SLC66A2: variants seen among roughly 807,000 people sequenced by gnomAD.
SLC66A2 encodes the protein solute carrier family 66 member 2.
SLC66A2 carries 23 observed loss-of-function variants against 25.5 expected under a neutral mutation model. The ratio of observed to expected loss-of-function variants is 0.90; its 90% confidence interval spans 0.65 to 1.28. The LOEUF (loss-of-function observed/expected upper bound fraction) is 1.28. SLC66A2 is among the 50% of genes most tolerant of loss of function. The probability of loss-of-function intolerance (pLI) is 0.00; values close to 1 mark genes in which losing one functional copy is unlikely to be tolerated. For synonymous variants in SLC66A2, 193 were observed against 166.5 expected (o/e 1.16, Z -1.23); for missense variants, 396 against 373.1 (o/e 1.06, Z -0.51).
At chr18:79,909,948 C>G (rs1236484687) in intron 5 of SLC66A2, among the ~76,000 whole-genome samples, 1 of 139,414 alleles carries the variant, frequency 7.2e-6, no homozygotes, top group African/African-American at 2.7e-5. Flanking sequence ...CCCCAACCTT[C>G]CCCACAACCT....
chr18:79,939,892 G>A (rs892530294), intron 3 of SLC66A2, among the ~76,000 whole-genome samples: 3 of 152,144 alleles, frequency 2.0e-5, no homozygotes, highest in East Asian at 1.9e-4. Flanking sequence ...AATATAAATC[G>A]CTCTACTATA....
intron 2 of SLC66A2, chr18:79,949,975 C>G (rs2051062608): frequency 6.6e-6 from 1 of 152,228 alleles, no homozygotes; most frequent in Non-Finnish European, 1.5e-5. Flanking sequence ...TTTCAATTTC[C>G]TTAGCCTAAT....
Position 79,902,909 on chromosome 18 carries a change from C to G in SLC66A2, c.*1067G>C, listed in dbSNP as rs1981423874. On this transcript the variant is annotated 3_prime_UTR_variant, in exon 6 of 6. Coordinates refer to ENST00000397778, the MANE Select transcript of SLC66A2 (RefSeq NM_025078.5). ...CTGCAGCCAGAAGTGAGGGAGCCAG[C>G]ACACGGGGGTGGGCAGTGGACAGGA... is the stretch of plus-strand genomic sequence containing the variant. 1 of 152,606 alleles carries G rather than the reference C, an allele frequency of 6.6e-6. No individual in the cohort carries two copies. Among genetic ancestry groups the G allele is most frequent in the African/African-American group, 2.4e-5 (1 of 41,470 alleles). The allele number at this position is 152,606 out of a possible 1,614,324, so 9.5% of individuals were successfully genotyped here.
At chr18:79,951,090 A>C (rs1051316766) in intron 1 of SLC66A2, 65 bp from the exon 2 acceptor site, 2 of 387,060 alleles carry the variant, frequency 5.2e-6, no homozygotes, top group Non-Finnish European at 8.5e-6. Context: ...CACGGACCCG[A>C]CCCGACCCGC....
At chr18:79,946,402 A>T (rs545653975) in intron 2 of SLC66A2, among the ~76,000 whole-genome samples, 26 of 152,382 alleles carry the variant, frequency 1.7e-4, no homozygotes, top group African/African-American at 5.8e-4. Flanking sequence ...TTTAGTGATA[A>T]CAGTCTGTGC....
At chr18:79,930,667 C>CA (rs1788205365) in intron 4 of SLC66A2, among the ~76,000 whole-genome samples, 1 of 151,738 alleles carries the variant, frequency 6.6e-6, no homozygotes, top group South Asian at 2.1e-4. Context: ...ATATATTTGA[C>CA]AATAATATTA....
chr18:79,906,118 C>G (rs1236872918), intron 5 of SLC66A2, among the ~76,000 whole-genome samples: 3 of 152,190 alleles, frequency 2.0e-5, no homozygotes, highest in Admixed American at 6.5e-5. Flanking sequence ...CTCTTCCATA[C>G]CAAATACTGG....
rs189025115 is a variant in SLC66A2 at position 79,910,103 on chromosome 18, C to A, written c.609-5920G>T. On this transcript the variant is annotated intron_variant, in intron 5 of 5. Coordinates refer to ENST00000397778, the MANE Select transcript of SLC66A2 (RefSeq NM_025078.5). ...TCACCAGTCTCCAACCTTCCCCACA[C>A]CCTCACCATAGAGTCCCCAACCTTC... Among the ~76,000 whole-genome samples, 311 of 130,926 alleles carry A rather than the reference C, an allele frequency of 2.4e-3. 15 individuals are homozygous for A. The highest frequency in any genetic ancestry group is 8.7e-3 in the African/African-American group (287 of 33,014). 85.9% of individuals were successfully genotyped at this position (130,926 alleles called of 152,430 possible).
rs758277676 is a variant in SLC66A2, at chr18:79,904,203, C to G, written c.609-20G>C. 1 of 1,610,008 alleles carries G rather than the reference C, an allele frequency of 6.2e-7. No homozygotes were observed. The highest frequency in any genetic ancestry group is 8.5e-7 in the Non-Finnish European group (1 of 1,177,566). ...TTGATGCTGTGGAGACACAAGCAGG[C>G]GGTCAGCGGTGGGGAGGGCGGCGAC... On this transcript the variant is annotated intron_variant, in intron 5 of 5. Transcript: ENST00000397778. This position sits in a 1 kb window ranked among gnomAD's most constrained non-coding sequence, Gnocchi z 6.3.
At position 79,937,483 on chromosome 18, in the gene SLC66A2, A is replaced by C. The variant is rs567993884; in HGVS notation, c.338-3461T>G. The stretch of plus-strand genomic sequence containing the variant: ...AAGATGCTAGGGAACCAACTTTGAA[A>C]ACTGGTAAAGAGACCCGCATTTCCT... On this transcript the variant is annotated intron_variant, in intron 3 of 5. Coordinates refer to ENST00000397778, the MANE Select transcript of SLC66A2 (RefSeq NM_025078.5). The surrounding 1 kb of genome is among the most constrained non-coding windows in gnomAD (Gnocchi z 5.4). 6.6e-6 allele frequency among the ~76,000 whole-genome samples: 1 copy of C among 152,312 alleles called. No homozygotes were observed. The highest frequency in any genetic ancestry group is 1.9e-4 in the East Asian group (1 of 5,186).
rs750910076 is a variant in SLC66A2, at chr18:79,943,345, C to A, written c.321G>T (p.Arg107Ser). Residue 107 changes from arginine (R) to serine (S), a missense_variant, in exon 3 of 6, where the codon AGG becomes AGT. Arg to Ser is a moderately radical substitution (Grantham distance 110). Transcript: ENST00000397778. ...GCCACCAACCTGTAAAGGAGCGGCG[C>A]CTGGCGTTGAGCTCGTTGGCCACAC... The part of the protein sequence containing the change: ...EVRVANELNA[R>S]RRSFTAADSK... The A allele has an allele frequency of 2.4e-5, 39 of 1,614,054 alleles. No homozygotes were observed. Among genetic ancestry groups the A allele is most frequent in the Non-Finnish European group, 3.3e-5 (39 of 1,180,034 alleles).
intron 5 of SLC66A2, among the ~76,000 whole-genome samples, chr18:79,907,361 T>C (rs1286240034): frequency 7.0e-6 from 1 of 143,186 alleles, no homozygotes; most frequent in Non-Finnish European, 1.5e-5. Context: ...TTGTTTTTTT[T>C]TTTTTTTTGA....
intron 5 of SLC66A2, among the ~76,000 whole-genome samples, chr18:79,911,742 G>GAGCAGGGAGGGGACGC (rs936632657): frequency 6.6e-6 from 1 of 151,398 alleles, no homozygotes; most frequent in African/African-American, 2.4e-5. Context: ...GAGGGGACGG[G>GAGCAGGGAGGGGACGC]AGCAGGGAGG....
rs1300002923 is a variant in SLC66A2 at position 79,903,913 on chromosome 18, C to T, written c.*63G>A. 18 of 1,459,538 alleles carry T rather than the reference C, an allele frequency of 1.2e-5. No homozygotes were observed. The South Asian group carries it at 1.5e-4, about 12-fold the overall frequency. The allele number at this position is 1,459,538 out of a possible 1,614,324, so 90.4% of individuals were successfully genotyped here. ...GGGGCCACAGCACCCACCCTCCCCG[C>T]GGGGAGGTCAGGGCCCACCAGTGCC... On this transcript the variant is annotated 3_prime_UTR_variant, in exon 6 of 6. Transcript: ENST00000397778.
intron 2 of SLC66A2, among the ~76,000 whole-genome samples, chr18:79,950,252 G>C (rs913759449): frequency 3.9e-5 from 6 of 152,158 alleles, no homozygotes; most frequent in African/African-American, 1.4e-4. Flanking sequence ...CCAGCTACTC[G>C]GGAGGCTGAG....
At chr18:79,939,699 G>A (rs188271720) in intron 3 of SLC66A2, among the ~76,000 whole-genome samples, 221 of 152,086 alleles carry the variant, frequency 1.5e-3, no homozygotes, top group Non-Finnish European at 2.2e-3. Context: ...CATACCAGTC[G>A]GAATGGCTAT....
chr18:79,940,435 C>T lies in SLC66A2; in HGVS notation c.337+2894G>A, dbSNP rs983517093. The stretch of plus-strand genomic sequence containing the variant: ...AGAAATAATCTGTACACTAAACCCC[C>T]GTGACAAACAATTTACCTATATAAC... On this transcript the variant is annotated intron_variant, in intron 3 of 5. Coordinates refer to ENST00000397778, the MANE Select transcript of SLC66A2 (RefSeq NM_025078.5). This position sits in a 1 kb window ranked among gnomAD's most constrained non-coding sequence, Gnocchi z 4.1. 6.6e-6 allele frequency among the ~76,000 whole-genome samples: 1 copy of T among 151,928 alleles called. No homozygotes were observed. The highest frequency in any genetic ancestry group is 6.6e-5 in the Admixed American group (1 of 15,244).
chr18:79,928,763 G>C (rs1318954517), intron 4 of SLC66A2, among the ~76,000 whole-genome samples: 2 of 151,446 alleles, frequency 1.3e-5, no homozygotes, highest in Admixed American at 6.6e-5. Context: ...GCTCTTCATC[G>C]CCTGCTCAGC....
chr18:79,928,824 G>A (rs1986269728), intron 4 of SLC66A2, among the ~76,000 whole-genome samples: 1 of 152,102 alleles, frequency 6.6e-6, no homozygotes, highest in South Asian at 2.1e-4. Context: ...CCATGGCGCA[G>A]GGGCAGAGGA....
Sources: allele counts gnomAD v4.1 joint callset (sites outside exome capture counted in the v4.1 genomes callset), GRCh38; gene constraint gnomAD v4.1.1; non-coding constraint Gnocchi (gnomAD v3.1); transcripts MANE v1.5; gene names NCBI Gene and HGNC (gene_info 2026-07-23, HGNC 2026-07-21).